The following RABGEF1 variants were observed in gnomAD, a reference collection of about 807,000 sequenced individuals.
RABGEF1 encodes the protein RAB guanine nucleotide exchange factor 1.
RABGEF1 carries 26 observed loss-of-function variants against 57.3 expected under a neutral mutation model. That is an observed-to-expected ratio of 0.45 (90% CI 0.33 to 0.63). The LOEUF is 0.63. RABGEF1 is among the 20% of genes least tolerant of loss of function. The pLI is 0.02. For missense variants in RABGEF1, 464 were observed against 607.6 expected (o/e 0.76, Z 2.48); for synonymous variants, 185 against 210.7 (o/e 0.88, Z 1.06).
chr7:66,721,170 C>G (rs1395783323), intron 2 of RABGEF1, among the ~76,000 whole-genome samples: 1 of 152,164 alleles, frequency 6.6e-6, no homozygotes, highest in Non-Finnish European at 1.5e-5. Flanking sequence ...CTGCCGGCCT[C>G]GGCCTCCCAA....
rs117698657 is a variant in RABGEF1 at position 66,808,790 on chromosome 7, C to G, written c.1078-96C>G. 3,734 of 1,269,812 alleles carry G rather than the reference C, an allele frequency of 2.9e-3. 13 individuals are homozygous for G. The highest frequency in any genetic ancestry group is 3.7e-3 in the Non-Finnish European group (3,426 of 928,546). 78.7% of individuals were successfully genotyped at this position (1,269,812 alleles called of 1,614,324 possible). ...GAGTTTGTTTTGTTTACTTTAGCTT[C>G]TGTTTTAAATGGTCTGTGATCAAAA... On this transcript the variant is annotated intron_variant, in intron 8 of 8. Transcript: ENST00000284957.
chr7:66,749,932 C>T (rs896246930), intron 1 of RABGEF1, among the ~76,000 whole-genome samples: 1 of 152,274 alleles, frequency 6.6e-6, no homozygotes, highest in Non-Finnish European at 1.5e-5. Context: ...CGAGATCGCA[C>T]CACTGCACTC....
chr7:66,737,087 C>A (rs34549377), upstream of RABGEF1, among the ~76,000 whole-genome samples: 28,581 of 91,350 alleles, frequency 0.31, 2,814 homozygotes, highest in East Asian at 0.47. Context: ...AGAGAGAGAG[C>A]GAGAGCGAGA....
chr7:66,756,029 A>G (rs1186106418), intron 1 of RABGEF1: 12 of 1,483,246 alleles, frequency 8.1e-6, no homozygotes, highest in Non-Finnish European at 1.1e-5. Context: ...ACAGATTGCA[A>G]ATGCTAATAA....
chr7:66,757,317 T>G (rs1487304758), intron 1 of RABGEF1, among the ~76,000 whole-genome samples: 1 of 152,258 alleles, frequency 6.6e-6, no homozygotes, highest in East Asian at 1.9e-4. Flanking sequence ...AGATTTCATG[T>G]ACCTATCTAG....
intron 1 of RABGEF1, among the ~76,000 whole-genome samples, chr7:66,701,751 A>G (rs986171038): frequency 1.3e-5 from 2 of 151,974 alleles, no homozygotes; most frequent in Admixed American, 1.3e-4. Flanking sequence ...TCAGGGATCC[A>G]CCCACCTCAG....
At chr7:66,655,014 T>C in the RABGEF1 span, among the ~76,000 whole-genome samples, 5 of 152,098 alleles carry the variant, frequency 3.3e-5, no homozygotes, top group African/African-American at 1.2e-4. Flanking sequence ...GAAGCAACAT[T>C]TGTGGTCGCG....
intron 1 of RABGEF1, among the ~76,000 whole-genome samples, chr7:66,683,244 C>T (rs900261467): frequency 6.6e-6 from 1 of 152,114 alleles, no homozygotes; most frequent in Admixed American, 6.5e-5. Context: ...TCCCAGAGTG[C>T]TGGGATTAGA....
chr7:66,689,725 C>T (rs548277919), intron 1 of RABGEF1, among the ~76,000 whole-genome samples: 1 of 151,936 alleles, frequency 6.6e-6, no homozygotes, highest in South Asian at 2.1e-4. Context: ...TCACTTGAAC[C>T]CGGGAGGCGG....
At chr7:66,783,898 G>A in intron 4 of RABGEF1, 57 bp downstream of exon 4, 2 of 1,483,066 alleles carry the variant, frequency 1.3e-6, no homozygotes, top group Non-Finnish European at 1.8e-6. Context: ...AAAGGTCTTA[G>A]AGATAATATA....
At position 66,771,919 on chromosome 7, in the gene RABGEF1, G is replaced by A. The variant is rs1234651765; in HGVS notation, c.20G>A (p.Arg7His). MSLKSE[R>H]RGIHVDQSDL... is the part of the protein sequence containing the mutation. The stretch of plus-strand genomic sequence containing the variant: ...AAGAAGATGAGCCTTAAGTCTGAAC[G>A]CCGAGGAATTCATGTGGATCAATCG... The change falls in exon 2 of 9, where the codon CGC (arginine) becomes CAC (histidine). Residue 7 changes from arginine (R) to histidine (H), a missense_variant. Transcript: ENST00000284957. The A allele has an allele frequency of 1.3e-5, 20 of 1,557,116 alleles. No homozygotes were observed. The highest frequency in any genetic ancestry group is 1.7e-5 in the Non-Finnish European group (19 of 1,151,020).
upstream of RABGEF1, among the ~76,000 whole-genome samples, chr7:66,681,896 G>A (rs1395331442): frequency 2.0e-5 from 3 of 152,296 alleles, no homozygotes; most frequent in African/African-American, 7.2e-5. Context: ...AGTAGGGACT[G>A]AGCCACAGAC....
At position 66,730,746 on chromosome 7, in the gene RABGEF1, T is replaced by C. The variant is rs1265987403; in HGVS notation, c.-814-9250T>C. 5.9e-5 allele frequency among the ~76,000 whole-genome samples: 9 copies of C among 152,182 alleles called. No individual in the cohort carries two copies. In the East Asian group the frequency reaches 1.7e-3, roughly 29 times the overall value. On this transcript the variant is annotated intron_variant and NMD_transcript_variant, in intron 2 of 9. Coordinates refer to the RABGEF1 transcript ENST00000607882. The stretch of plus-strand genomic sequence containing the variant: ...CTGATTTTTGTATTTTTGGTAGAGA[T>C]GGGATTTCACCATGTTGGCCAGGCT...
chr7:66,736,733 C>A (rs111331834), upstream of RABGEF1, among the ~76,000 whole-genome samples: 1 of 152,016 alleles, frequency 6.6e-6, no homozygotes, highest in Non-Finnish European at 1.5e-5. Flanking sequence ...TGGTGGCTTG[C>A]GCCTGTAATC....
rs541887985 is a variant in RABGEF1 at position 66,789,640 on chromosome 7, G to T, written c.513+5799G>T. On this transcript the variant is annotated intron_variant, in intron 4 of 8. Transcript: ENST00000284957. Reference sequence around the variant, plus strand: ...GGAGCTTGCAGTGAGCCTAGATCACGCCACTGCACTCCAGCCTCAGCATCG... The same window carrying T: ...GGAGCTTGCAGTGAGCCTAGATCACTCCACTGCACTCCAGCCTCAGCATCG... Among the ~76,000 whole-genome samples the T allele has an allele frequency of 5.8e-5, 7 of 119,864 alleles. No individual in the cohort carries two copies. In the Admixed American group the frequency reaches 8.5e-4, roughly 15 times the overall value. The allele number at this position is 119,864 out of a possible 152,430, so 78.6% of individuals were successfully genotyped here.
intron 1 of RABGEF1, among the ~76,000 whole-genome samples, chr7:66,683,653 C>G (rs139660553): frequency 7.9e-5 from 12 of 152,136 alleles, no homozygotes; most frequent in African/African-American, 2.7e-4. Flanking sequence ...GAATGAGTAA[C>G]ATTCAGACTA....
chr7:66,795,408 T>TA, intron 4 of RABGEF1, 103 bp from the exon 5 acceptor site: 1 of 894,290 alleles, frequency 1.1e-6, no homozygotes. Flanking sequence ...CTTTTAGGCT[T>TA]ACTACCAGTA....
At chr7:66,718,742 A>G (rs577485637) in intron 2 of RABGEF1, among the ~76,000 whole-genome samples, 4 of 152,118 alleles carry the variant, frequency 2.6e-5, no homozygotes, top group Non-Finnish European at 5.9e-5. Flanking sequence ...CCATCCTGTA[A>G]TTTCTTTCTC....
At chr7:66,692,032 G>C (rs1791589324) in intron 1 of RABGEF1, among the ~76,000 whole-genome samples, 1 of 152,108 alleles carries the variant, frequency 6.6e-6, no homozygotes, top group Non-Finnish European at 1.5e-5. Flanking sequence ...ACTCCAGCTT[G>C]AGCGACAAAG....
Sources: allele counts gnomAD v4.1 joint callset (sites outside exome capture counted in the v4.1 genomes callset), GRCh38; gene constraint gnomAD v4.1.1; transcripts MANE v1.5; gene names NCBI Gene and HGNC (gene_info 2026-07-23, HGNC 2026-07-21).